IKZF1: variants seen among roughly 807,000 people sequenced by gnomAD.
IKZF1 encodes the protein IKAROS family zinc finger 1.
A neutral mutation model predicts 51.7 loss-of-function variants in IKZF1; 10 were observed. That is an observed-to-expected ratio of 0.19 (90% CI 0.12 to 0.33). IKZF1 has a LOEUF of 0.33. IKZF1 is among the 10% of genes least tolerant of loss of function. The probability of loss-of-function intolerance (pLI) is 1.00; values close to 1 mark genes in which losing one functional copy is unlikely to be tolerated. For missense variants in IKZF1, 484 were observed against 707.5 expected, an observed-to-expected ratio of 0.68 and a Z score of 3.58; for synonymous variants, 280 against 282.3, an observed-to-expected ratio of 0.99 and a Z score of 0.08.
At chr7:50,372,702 A>G (rs1584860981) in intron 3 of IKZF1, among the ~76,000 whole-genome samples, 1 of 152,324 alleles carries the variant, frequency 6.6e-6, no homozygotes, top group South Asian at 2.1e-4. Flanking sequence ...TTCCTACAGA[A>G]CTGTGTGACT....
intron 1 of IKZF1, among the ~76,000 whole-genome samples, chr7:50,312,387 A>G (rs548289778): frequency 6.6e-6 from 1 of 152,302 alleles, no homozygotes; most frequent in East Asian, 1.9e-4. Flanking sequence ...ATGAGAGGGT[A>G]GAGACAATAC....
intron 3 of IKZF1, among the ~76,000 whole-genome samples, chr7:50,366,169 G>A (rs1011606252): frequency 2.0e-5 from 3 of 151,966 alleles, no homozygotes; most frequent in African/African-American, 2.4e-5. Context: ...ATTTAATACC[G>A]GATGACAAAA....
rs1233981259 is a variant in IKZF1 at position 50,402,715 on chromosome 7, T to C, written c.*2088T>C. 4.3e-6 allele frequency: 1 copy of C among 230,222 alleles called. No homozygotes were observed. The highest frequency in any genetic ancestry group is 6.1e-5 in the East Asian group (1 of 16,316). The allele number at this position is 230,222 out of a possible 1,614,324, so 14.3% of individuals were successfully genotyped here. A position where few individuals can be genotyped will look rare whatever the true frequency, so the allele number is the denominator to read the frequency against. On this transcript the variant is annotated 3_prime_UTR_variant, in exon 8 of 8. Coordinates refer to ENST00000331340, the MANE Select transcript of IKZF1 (RefSeq NM_006060.6). ...TTTCCTCATAAACATTTGAGTTTTG[T>C]TGAAAAGATGGAGTTTACAAAGATA...
intron 3 of IKZF1, among the ~76,000 whole-genome samples, chr7:50,362,922 G>A (rs1046130502): frequency 1.3e-5 from 2 of 152,204 alleles, no homozygotes; most frequent in Admixed American, 6.5e-5. Context: ...AGGATGTGGT[G>A]CAGGCTGGGC....
At chr7:50,330,351 CTG>C (rs1796177825) in intron 3 of IKZF1, among the ~76,000 whole-genome samples, 1 of 152,126 alleles carries the variant, frequency 6.6e-6, no homozygotes, top group African/African-American at 2.4e-5. Flanking sequence ...GACGTGGGCA[CTG>C]AGATGATTTG....
chr7:50,311,891 A>T (rs1015279599), intron 1 of IKZF1, among the ~76,000 whole-genome samples: 15 of 152,214 alleles, frequency 9.9e-5, no homozygotes, highest in African/African-American at 3.6e-4. Context: ...ATGAAGAAAA[A>T]AACGTTTAAA....
At position 50,400,044 on chromosome 7, in the gene IKZF1, C is replaced by T; in HGVS notation, c.977C>T (p.Ser326Phe). The stretch of plus-strand genomic sequence containing the variant: ...GCCATCAACTACCTGGGGGCCGAGT[C>T]CCTGCGCCCGCTGGTGCAGACGCCC... ...NNAINYLGAE[S>F]LRPLVQTPPG... is the part of the protein sequence containing the mutation. The change falls in exon 8 of 8, where the codon TCC becomes TTC. Residue 326 changes from serine (S) to phenylalanine (F), a missense_variant. This residue lies in a region of IKZF1 where 172 missense variants were observed against 192.7 expected (regional missense o/e 0.89). Coordinates refer to ENST00000331340, the MANE Select transcript of IKZF1 (RefSeq NM_006060.6). The surrounding 1 kb of genome is among the most constrained non-coding windows in gnomAD (Gnocchi z 5.4). 1 of 1,609,670 alleles carries T rather than the reference C, an allele frequency of 6.2e-7. No homozygotes were observed. Among genetic ancestry groups the T allele is most frequent in the Non-Finnish European group, 8.5e-7 (1 of 1,178,392 alleles).
chr7:50,394,470 G>A, intron 7 of IKZF1: 1 of 233,284 alleles, frequency 4.3e-6, no homozygotes, highest in Non-Finnish European at 8.5e-6. Flanking sequence ...GCCCAATAGT[G>A]GTTCAGTTGA....
At chr7:50,305,839 G>A (rs927294077) in intron 1 of IKZF1, among the ~76,000 whole-genome samples, 18 of 152,172 alleles carry the variant, frequency 1.2e-4, no homozygotes, top group South Asian at 2.1e-4. Context: ...AAAATACTGC[G>A]TATGATATTT....
chr7:50,325,040 C>A (rs1047309059), intron 2 of IKZF1, among the ~76,000 whole-genome samples: 1 of 152,002 alleles, frequency 6.6e-6, no homozygotes. Context: ...GCGTGCACAC[C>A]CCACACGCCC....
chr7:50,337,342 C>T lies in IKZF1; in HGVS notation c.160+9585C>T, dbSNP rs1046858179. ...TCTAACTAGCAGCCCCAGGGTAGGC[C>T]GGCGTGAGTCACCTATGAGCTGGGC... is the stretch of plus-strand genomic sequence containing the variant. On this transcript the variant is annotated intron_variant, in intron 3 of 7. Coordinates refer to ENST00000331340, the MANE Select transcript of IKZF1 (RefSeq NM_006060.6). Among the ~76,000 whole-genome samples, 15 of 152,256 alleles carry T rather than the reference C, an allele frequency of 9.9e-5. 1 individual carries two copies. Among genetic ancestry groups the T allele is most frequent in the East Asian group, 1.9e-4 (1 of 5,190 alleles).
In IKZF1 at chr7:50,339,215, T is replaced by TTGTGTGTGTGTGTG. The variant is rs1158908841; in HGVS notation, c.160+11488_160+11501dup. ...AAAGGAGGAATTCTTTTGGGTAGGG[T>TTGTGTGTGTGTGTG]TGTGTGTGTGTGTGTGTGTGTGTGT... On this transcript the variant is annotated intron_variant, in intron 3 of 7. Transcript: ENST00000331340. Among the ~76,000 whole-genome samples the TTGTGTGTGTGTGTG allele has an allele frequency of 1.2e-3, 148 of 126,472 alleles. 1 individual carries two copies. The highest frequency in any genetic ancestry group is 4.4e-3 in the East Asian group (19 of 4,270). 83.0% of individuals were successfully genotyped at this position (126,472 alleles called of 152,430 possible). A position where few individuals can be genotyped will look rare whatever the true frequency, so the allele number is the denominator to read the frequency against.
chr7:50,343,207 C>A (rs1346459491), intron 3 of IKZF1, among the ~76,000 whole-genome samples: 2 of 119,402 alleles, frequency 1.7e-5, no homozygotes, highest in Non-Finnish European at 3.5e-5. Context: ...CCCTTCCCCT[C>A]GTCTCCCTTC....
intron 1 of IKZF1, among the ~76,000 whole-genome samples, chr7:50,308,263 G>A (rs1239171754): frequency 6.6e-6 from 1 of 152,240 alleles, no homozygotes; most frequent in Non-Finnish European, 1.5e-5. Flanking sequence ...GGTTACTCCT[G>A]AGAAGGGCCT....
chr7:50,316,546 T>C (rs1247183191), intron 1 of IKZF1, among the ~76,000 whole-genome samples: 1 of 152,226 alleles, frequency 6.6e-6, no homozygotes, highest in African/African-American at 2.4e-5. Context: ...CGCTGTGGTG[T>C]GATCTGCTGC....
At chr7:50,319,129 G>C (rs756662850) in intron 2 of IKZF1, 28 bp downstream of exon 2, 1 of 1,609,632 alleles carries the variant, frequency 6.2e-7, no homozygotes, top group South Asian at 1.1e-5. Flanking sequence ...AGCTGTGTGG[G>C]AAGTTCATGA....
chr7:50,353,521 T>C (rs1278044261), intron 3 of IKZF1, among the ~76,000 whole-genome samples: 1 of 152,180 alleles, frequency 6.6e-6, no homozygotes, highest in Non-Finnish European at 1.5e-5. Flanking sequence ...GCTGTCACCC[T>C]TATAAGAGAG....
At chr7:50,368,426 A>G in intron 3 of IKZF1, 1 of 627,334 alleles carries the variant, frequency 1.6e-6, no homozygotes, top group African/African-American at 1.8e-5. Context: ...CCAACAAAGA[A>G]CTGAACATGG....
chr7:50,323,465 A>C (rs1793989629), intron 2 of IKZF1, among the ~76,000 whole-genome samples: 1 of 152,236 alleles, frequency 6.6e-6, no homozygotes, highest in Non-Finnish European at 1.5e-5. Context: ...AGTGAATTAT[A>C]ATCTACTTGA....
Sources: allele counts gnomAD v4.1 joint callset (sites outside exome capture counted in the v4.1 genomes callset), GRCh38; gene constraint gnomAD v4.1.1; regional missense constraint gnomAD v4.1.1; non-coding constraint Gnocchi (gnomAD v3.1); transcripts MANE v1.5; gene names NCBI Gene and HGNC (gene_info 2026-07-23, HGNC 2026-07-21).